Variants in EPB41L5 observed in about 807,000 individuals in gnomAD.
EPB41L5 encodes the protein erythrocyte membrane protein band 4.1 like 5, also known as band 4.1-like protein 5.
In EPB41L5, 55 loss-of-function variants were observed where a neutral mutation model predicts 106.6. The ratio of observed to expected loss-of-function variants is 0.52; its 90% CI spans 0.42 to 0.65. The LOEUF (loss-of-function observed/expected upper bound fraction) is 0.65. EPB41L5 is among the 30% of genes least tolerant of loss of function. The probability of loss-of-function intolerance (pLI) is 0.00; values close to 1 mark genes in which losing one functional copy is unlikely to be tolerated. For missense variants in EPB41L5, 871 were observed against 882.1 expected (o/e 0.99, Z 0.16); for synonymous variants, 297 against 306.7 (o/e 0.97, Z 0.33).
intron 20 of EPB41L5, among the ~76,000 whole-genome samples, chr2:120,155,219 T>C (rs1429772108): frequency 6.6e-6 from 1 of 152,216 alleles, no homozygotes; most frequent in East Asian, 1.9e-4. Context: ...GGCTTTTGTT[T>C]ATCTGAGAAT....
intron 3 of EPB41L5, among the ~76,000 whole-genome samples, chr2:120,060,833 C>T (rs149830180): frequency 2.0e-5 from 3 of 151,844 alleles, no homozygotes; most frequent in South Asian, 2.1e-4. Context: ...TACACAGGAC[C>T]GGGCCTCTTC....
chr2:120,059,057 T>G (rs1158590588), intron 3 of EPB41L5, among the ~76,000 whole-genome samples: 1 of 152,230 alleles, frequency 6.6e-6, no homozygotes, highest in Non-Finnish European at 1.5e-5. Flanking sequence ...TTTCAAGACT[T>G]ACTATATAGC....
chr2:120,108,279 G>A (rs1167212701), intron 16 of EPB41L5: 1 of 152,094 alleles, frequency 6.6e-6, no homozygotes, highest in Non-Finnish European at 1.5e-5. Flanking sequence ...TCCAAGGATT[G>A]TGACTGAAGA....
intron 2 of EPB41L5, among the ~76,000 whole-genome samples, chr2:120,025,624 AC>A (rs1678254806): frequency 6.6e-6 from 1 of 152,164 alleles, no homozygotes; most frequent in Non-Finnish European, 1.5e-5. Context: ...ATTATGTAAG[AC>A]TGTATATAGT....
rs1449656811 is a variant in EPB41L5, at chr2:120,150,502, A to G, written c.1793+4213A>G. On this transcript the variant is annotated intron_variant, in intron 20 of 24. Coordinates refer to ENST00000263713, the MANE Select transcript of EPB41L5 (RefSeq NM_020909.4). ...CTGCCCAGCTAATTTAAAAAAAAAA[A>G]GTTTATTTTATTTTATTTTTTTAGA... Among the ~76,000 whole-genome samples the G allele has an allele frequency of 2.0e-5, 3 of 151,708 alleles. No homozygotes were observed. The East Asian group carries it at 5.8e-4, about 29-fold the overall frequency.
At chr2:120,069,629 A>G (rs982137520) in intron 3 of EPB41L5, among the ~76,000 whole-genome samples, 14 of 152,232 alleles carry the variant, frequency 9.2e-5, no homozygotes, top group Non-Finnish European at 1.3e-4. Flanking sequence ...CTCAGACCAC[A>G]GTGCAATCAA....
chr2:120,047,526 T>C (rs1437127830), intron 3 of EPB41L5, among the ~76,000 whole-genome samples: 25 of 152,054 alleles, frequency 1.6e-4, no homozygotes, highest in Admixed American at 1.6e-3. Context: ...CCTGAGACTT[T>C]GCTGAAGTTC....
chr2:120,135,045 G>T (rs919136186), intron 18 of EPB41L5, among the ~76,000 whole-genome samples: 2 of 152,168 alleles, frequency 1.3e-5, no homozygotes, highest in African/African-American at 4.8e-5. Context: ...GAAACTCAGT[G>T]AAATTCAAGA....
At chr2:120,102,890 T>G (rs943861723) in intron 16 of EPB41L5, among the ~76,000 whole-genome samples, 2 of 152,214 alleles carry the variant, frequency 1.3e-5, no homozygotes, top group African/African-American at 4.8e-5. Context: ...TGAATAGTGT[T>G]TAGAAAACCT....
chr2:120,111,082 T>G (rs1389329995), intron 16 of EPB41L5, among the ~76,000 whole-genome samples: 1 of 152,194 alleles, frequency 6.6e-6, no homozygotes, highest in African/African-American at 2.4e-5. Context: ...GTTTCACTAG[T>G]CTTTCCACAA....
intron 16 of EPB41L5, among the ~76,000 whole-genome samples, chr2:120,122,215 A>T (rs1019536409): frequency 1.3e-5 from 2 of 152,078 alleles, no homozygotes; most frequent in African/African-American, 4.8e-5. Flanking sequence ...TTTTGTTGCC[A>T]TTGCTTTTGG....
Position 120,140,107 on chromosome 2 carries a change from G to A in EPB41L5, c.1600-2896G>A, listed in dbSNP as rs930955358. Among the ~76,000 whole-genome samples the A allele has an allele frequency of 2.6e-5, 4 of 151,872 alleles. No individual in the cohort carries two copies. The East Asian group carries it at 7.7e-4, about 29-fold the overall frequency. On this transcript the variant is annotated intron_variant, in intron 18 of 24. Transcript: ENST00000263713. ...TTCTCATTTATGGGAGCCAAAAAAC[G>A]AAGAATTAAACTTGCGGAGATAGAT... is the stretch of plus-strand genomic sequence containing the variant.
intron 3 of EPB41L5, among the ~76,000 whole-genome samples, chr2:120,043,049 T>A (rs1679516688): frequency 9.5e-6 from 1 of 105,354 alleles, no homozygotes; most frequent in South Asian, 2.9e-4. Flanking sequence ...GTGTGTGTGT[T>A]TAGAGGGGAA....
intron 3 of EPB41L5, among the ~76,000 whole-genome samples, chr2:120,063,677 G>A (rs1681239523): frequency 6.6e-6 from 1 of 152,190 alleles, no homozygotes; most frequent in Non-Finnish European, 1.5e-5. Context: ...CGGGTGCAGT[G>A]GCTCACGCCT....
chr2:120,163,247 C>A, intron 21 of EPB41L5, among the ~76,000 whole-genome samples: 1 of 146,336 alleles, frequency 6.8e-6, no homozygotes, highest in Non-Finnish European at 1.5e-5. Context: ...AGAGCAAGAC[C>A]GTGTCCCTCT....
intron 2 of EPB41L5, 26 bp downstream of exon 2, chr2:120,019,290 A>C: frequency 6.3e-7 from 1 of 1,588,322 alleles, no homozygotes; most frequent in Non-Finnish European, 8.6e-7. Flanking sequence ...TGAGCTCCAA[A>C]TTCTGTTTGC....
chr2:120,100,147 TTAAAA>T (rs978897735), intron 14 of EPB41L5, 92 bp from the exon 15 acceptor site: 6 of 880,194 alleles, frequency 6.8e-6, no homozygotes, highest in African/African-American at 3.4e-5. Context: ...GTTAATATCT[TTAAAA>T]TAAATATTTT....
intron 16 of EPB41L5, chr2:120,108,491 GATA>G (rs1451069158): frequency 2.6e-5 from 4 of 152,016 alleles, no homozygotes; most frequent in African/African-American, 9.7e-5. Context: ...ACTAATCATT[GATA>G]ATAATAAATG....
chr2:120,071,713 A>G (rs554571087), intron 3 of EPB41L5, among the ~76,000 whole-genome samples: 26 of 152,226 alleles, frequency 1.7e-4, no homozygotes, highest in Non-Finnish European at 3.2e-4. Context: ...TGTTGGGAAA[A>G]CTGGCTAGCC....
Sources: gnomAD v4.1 joint callset for allele counts (sites outside exome capture counted in the v4.1 genomes callset) on GRCh38, gnomAD v4.1.1 for gene constraint, MANE v1.5 for transcripts, NCBI Gene and HGNC (gene_info 2026-07-23, HGNC 2026-07-21) for gene names.